The following ADGRB3 variants were observed in gnomAD, a reference collection of about 807,000 sequenced individuals.
ADGRB3 encodes adhesion G protein-coupled receptor B3.
In ADGRB3, 37 loss-of-function variants were observed where a neutral mutation model predicts 193.4. The ratio of observed to expected loss-of-function variants is 0.19; its 90% CI spans 0.15 to 0.25. The LOEUF (loss-of-function observed/expected upper bound fraction) is 0.25, where lower values mean the gene tolerates loss of function less well. Among genes scored for constraint, ADGRB3 ranks in the 10% least tolerant of loss-of-function variants. The probability of loss-of-function intolerance (pLI) is 1.00; values close to 1 mark genes in which losing one functional copy is unlikely to be tolerated. For synonymous variants in ADGRB3, 690 were observed against 644.2 expected (o/e 1.07, Z -1.08); for missense variants, 1,637 against 1,852.9 (o/e 0.88, Z 2.14).
intron 17 of ADGRB3, among the ~76,000 whole-genome samples, chr6:69,134,033 C>T (rs944506896): frequency 4.6e-5 from 7 of 152,006 alleles, no homozygotes; most frequent in Non-Finnish European, 1.0e-4. Context: ...TTTTTATGTC[C>T]GAGTAGTATT....
At chr6:69,222,352 T>C (rs893157116) in intron 17 of ADGRB3, among the ~76,000 whole-genome samples, 2 of 152,202 alleles carry the variant, frequency 1.3e-5, no homozygotes, top group African/African-American at 4.8e-5. Flanking sequence ...ATATTCATTA[T>C]CTTGACTTTT....
intron 17 of ADGRB3, among the ~76,000 whole-genome samples, chr6:69,193,562 TCAC>T (rs1765239662): frequency 6.6e-6 from 1 of 152,064 alleles, no homozygotes; most frequent in South Asian, 2.1e-4. Flanking sequence ...GTAGACAATT[TCAC>T]CTGTCCTGAC....
At chr6:68,729,143 GTCATCTCACAGGAGTTC>G (rs1765726299) in intron 3 of ADGRB3, among the ~76,000 whole-genome samples, 1 of 151,590 alleles carries the variant, frequency 6.6e-6, no homozygotes, top group Admixed American at 6.6e-5. Flanking sequence ...GGAGATATAA[GTCATCTCACAGGAGTTC>G]TCATCCCTCT....
At chr6:68,781,502 A>T (rs1305130632) in intron 3 of ADGRB3, among the ~76,000 whole-genome samples, 1 of 152,086 alleles carries the variant, frequency 6.6e-6, no homozygotes, top group Non-Finnish European at 1.5e-5. Flanking sequence ...GAAAGCTAAT[A>T]ATTTTGTCCC....
intron 20 of ADGRB3, among the ~76,000 whole-genome samples, chr6:69,249,395 C>T (rs185551252): frequency 2.6e-5 from 4 of 152,268 alleles, no homozygotes; most frequent in African/African-American, 9.6e-5. Context: ...CACAACCAAG[C>T]TGGACATTTT....
intron 17 of ADGRB3, among the ~76,000 whole-genome samples, chr6:69,077,818 T>C (rs960917854): frequency 2.2e-4 from 34 of 152,114 alleles, no homozygotes; most frequent in African/African-American, 7.9e-4. Context: ...GAAGATAATC[T>C]CAAGGGATTG....
At position 69,347,626 on chromosome 6, in the gene ADGRB3, T is replaced by A. The variant is rs181965732; in HGVS notation, c.3460-6607T>A. 1.7e-4 allele frequency among the ~76,000 whole-genome samples: 26 copies of A among 152,036 alleles called. No individual in the cohort carries two copies. The East Asian group carries it at 3.5e-3, about 20-fold the overall frequency. ...ACCCACATCTCTACAAAAAAAAATT[T>A]AAAAAACATTTAGCCAGGTGTGGTG... On this transcript the variant is annotated intron_variant, in intron 26 of 31. Coordinates refer to ENST00000370598, the MANE Select transcript of ADGRB3 (RefSeq NM_001704.3).
chr6:68,843,554 C>T (rs933241259), intron 3 of ADGRB3, among the ~76,000 whole-genome samples: 1 of 151,910 alleles, frequency 6.6e-6, no homozygotes, highest in Non-Finnish European at 1.5e-5. Context: ...ATTCCATGTT[C>T]ATGGATTGGA....
intron 13 of ADGRB3, among the ~76,000 whole-genome samples, chr6:69,022,254 G>C (rs1278419784): frequency 6.6e-6 from 1 of 151,670 alleles, no homozygotes. Flanking sequence ...TTAACTATCT[G>C]CATAGGTAAG....
At chr6:68,758,932 G>C (rs1427134821) in intron 3 of ADGRB3, among the ~76,000 whole-genome samples, 1 of 152,048 alleles carries the variant, frequency 6.6e-6, no homozygotes, top group East Asian at 1.9e-4. Flanking sequence ...TGATTCCTGA[G>C]ATTGGCAGTT....
At chr6:69,367,316 C>A (rs868824024) in intron 29 of ADGRB3, among the ~76,000 whole-genome samples, 2 of 152,070 alleles carry the variant, frequency 1.3e-5, no homozygotes, top group South Asian at 4.2e-4. Context: ...GACTGTTAAG[C>A]AAAAGATTGT....
At chr6:69,056,251 A>T (rs1014407688) in intron 15 of ADGRB3, among the ~76,000 whole-genome samples, 3 of 151,956 alleles carry the variant, frequency 2.0e-5, no homozygotes, top group African/African-American at 7.3e-5. Flanking sequence ...CTTGTTGTCC[A>T]TTTGCGTACC....
At chr6:69,276,321 G>A (rs557239654) in intron 20 of ADGRB3, among the ~76,000 whole-genome samples, 3 of 152,270 alleles carry the variant, frequency 2.0e-5, no homozygotes, top group African/African-American at 7.2e-5. Context: ...AGGCCAAATA[G>A]AGAAGAAATT....
intron 17 of ADGRB3, among the ~76,000 whole-genome samples, chr6:69,139,471 G>A (rs1432052143): frequency 6.6e-6 from 1 of 152,148 alleles, no homozygotes; most frequent in African/African-American, 2.4e-5. Context: ...TATCTGTTGG[G>A]TAAAGTTGCA....
intron 17 of ADGRB3, among the ~76,000 whole-genome samples, chr6:69,114,994 G>A (rs1028680041): frequency 6.6e-6 from 1 of 152,194 alleles, no homozygotes; most frequent in Non-Finnish European, 1.5e-5. Flanking sequence ...TACACTGTTG[G>A]TGGGAGTGTA....
chr6:69,332,861 A>C, intron 23 of ADGRB3, 62 bp from the exon 24 acceptor site: 1 of 1,589,240 alleles, frequency 6.3e-7, no homozygotes, highest in South Asian at 1.2e-5. Flanking sequence ...GATTTTCAGG[A>C]GAAACAGGGA....
intron 3 of ADGRB3, among the ~76,000 whole-genome samples, chr6:68,845,805 A>C (rs1457368131): frequency 6.6e-6 from 1 of 152,156 alleles, no homozygotes; most frequent in Non-Finnish European, 1.5e-5. Flanking sequence ...CAGCATTGTG[A>C]AAATGAAATA....
At chr6:69,142,018 G>A (rs1284183696) in intron 17 of ADGRB3, among the ~76,000 whole-genome samples, 1 of 152,106 alleles carries the variant, frequency 6.6e-6, no homozygotes, top group Non-Finnish European at 1.5e-5. Context: ...TAATATTGAT[G>A]AGTTTAGAAT....
intron 17 of ADGRB3, among the ~76,000 whole-genome samples, chr6:69,146,450 G>A (rs1406043559): frequency 2.0e-5 from 3 of 152,240 alleles, no homozygotes; most frequent in African/African-American, 4.8e-5. Context: ...CCATGGCTGG[G>A]TGGCTGCAGC....
Sources: allele counts gnomAD v4.1 joint callset (sites outside exome capture counted in the v4.1 genomes callset), GRCh38; gene constraint gnomAD v4.1.1; transcripts MANE v1.5; gene names NCBI Gene and HGNC (gene_info 2026-07-23, HGNC 2026-07-21).